Variants in IAH1 observed in about 807,000 individuals in gnomAD.
IAH1 encodes the protein isoamyl acetate hydrolyzing esterase 1 (putative), also known as isoamyl acetate-hydrolyzing esterase 1 homolog.
In IAH1, 24 loss-of-function variants were observed where a neutral mutation model predicts 26.7. The observed-to-expected ratio is 0.90, with a 90% CI of 0.65 to 1.26. IAH1 has a LOEUF of 1.26. IAH1 is among the 50% of genes most tolerant of loss of function. The pLI, the probability that IAH1 is intolerant of heterozygous loss-of-function variation, is 0.00. For missense variants in IAH1, 300 were observed against 299.9 expected (o/e 1.00, Z 0.00); for synonymous variants, 140 against 118.5 (o/e 1.18, Z -1.18).
chr2:9,499,409 G>A (rs1051473108), downstream of IAH1, among the ~76,000 whole-genome samples: 11 of 151,448 alleles, frequency 7.3e-5, no homozygotes, highest in Non-Finnish European at 1.3e-4. Context: ...TTGTTTTTTT[G>A]GTTTTTTTTT....
intron 3 of IAH1, among the ~76,000 whole-genome samples, chr2:9,479,946 T>C (rs1245429980): frequency 6.6e-6 from 1 of 151,568 alleles, no homozygotes; most frequent in African/African-American, 2.4e-5. Context: ...GTAGCTGGGA[T>C]TATAGGCGCT....
Position 9,488,451 on chromosome 2 carries a change from G to A in IAH1, c.*122G>A. 2.8e-6 allele frequency: 2 copies of A among 716,308 alleles called. No individual in the cohort carries two copies. Among genetic ancestry groups the A allele is most frequent in the South Asian group, 2.5e-5 (1 of 39,702 alleles). 44.4% of individuals were successfully genotyped at this position (716,308 alleles called of 1,614,324 possible). A position where few individuals can be genotyped will look rare whatever the true frequency, so the allele number is the denominator to read the frequency against. On this transcript the variant is annotated 3_prime_UTR_variant, in exon 6 of 6. Transcript: ENST00000497473. ...ACTGATATTAATAATAAAAGTATTAGATGATTTTTCAGGGAAGTTTTATAC... is the reference window on the plus strand; with the variant it reads ...ACTGATATTAATAATAAAAGTATTAAATGATTTTTCAGGGAAGTTTTATAC...
the IAH1 span, among the ~76,000 whole-genome samples, chr2:9,504,289 C>CA: frequency 6.6e-6 from 1 of 150,582 alleles, no homozygotes; most frequent in South Asian, 2.1e-4. Context: ...TACTAAAATA[C>CA]AAAAAATCAG....
downstream of IAH1, among the ~76,000 whole-genome samples, chr2:9,500,088 CATAG>C (rs71389253): frequency 0.52 from 78,201 of 151,570 alleles, 21,017 homozygotes; most frequent in Middle Eastern, 0.67. Context: ...CACAAAAACT[CATAG>C]ATAAATGTTC....
At chr2:9,492,149 G>A (rs754117327), downstream of IAH1, among the ~76,000 whole-genome samples, 4 of 152,146 alleles carry the variant, frequency 2.6e-5, no homozygotes, top group Non-Finnish European at 5.9e-5. Flanking sequence ...GAGTTGTGCT[G>A]GAATTTTTAA....
downstream of IAH1, among the ~76,000 whole-genome samples, chr2:9,497,592 A>G (rs1662707205): frequency 6.6e-6 from 1 of 152,180 alleles, no homozygotes; most frequent in South Asian, 2.1e-4. Flanking sequence ...AAAGAACTCC[A>G]CGGCCTTCCC....
chr2:9,501,101 A>C (rs2124988265), downstream of IAH1, among the ~76,000 whole-genome samples: 1 of 152,314 alleles, frequency 6.6e-6, no homozygotes, highest in South Asian at 2.1e-4. Flanking sequence ...AACTCCTCCA[A>C]ATTCACAGTA....
rs1169747304 is a variant in IAH1, at chr2:9,481,326, T to G, written c.324T>G (p.Ala108=). ...PKQHIPLEEY[A]ANLKSMVQYL... is the part of the protein sequence containing the mutation. ...AGCACATTCCCCTGGAGGAGTACGC[T>G]GCGAACCTAAAGAGCATGGTGCAGT... Residue 108 remains alanine (A), a synonymous_variant, in exon 4 of 6, where the codon GCT becomes GCG. Coordinates refer to ENST00000497473, the MANE Select transcript of IAH1 (RefSeq NM_001039613.3). The G allele has an allele frequency of 6.2e-7, 1 of 1,614,224 alleles. No homozygotes were observed. The highest frequency in any genetic ancestry group is 1.7e-5 in the Admixed American group (1 of 60,032).
chr2:9,503,229 C>T, the IAH1 span, among the ~76,000 whole-genome samples: 4 of 151,638 alleles, frequency 2.6e-5, no homozygotes, highest in Non-Finnish European at 5.9e-5. Flanking sequence ...CAGAACTCTA[C>T]TCCCCATCAG....
chr2:9,494,446 G>A (rs920948224), downstream of IAH1, among the ~76,000 whole-genome samples: 1 of 152,096 alleles, frequency 6.6e-6, no homozygotes, highest in African/African-American at 2.4e-5. Flanking sequence ...TCCCACCACA[G>A]AAGGAAACTA....
intron 4 of IAH1, among the ~76,000 whole-genome samples, chr2:9,483,274 G>T (rs1280491131): frequency 6.6e-6 from 1 of 152,126 alleles, no homozygotes; most frequent in Non-Finnish European, 1.5e-5. Context: ...AGATGGTCTT[G>T]CTGTGTCACC....
At chr2:9,507,016 G>C in the IAH1 span, 1 of 152,086 alleles carries the variant, frequency 6.6e-6, no homozygotes, top group Non-Finnish European at 1.5e-5. Flanking sequence ...AATCTCAAAG[G>C]TCCTACATTC....
intron 5 of IAH1, chr2:9,487,415 C>G (rs766903607): frequency 2.0e-5 from 3 of 152,096 alleles, no homozygotes; most frequent in Non-Finnish European, 4.4e-5. Context: ...CCTGAACACT[C>G]CTAATACCAA....
rs779803726 is a variant in IAH1, at chr2:9,488,348, A to C, written c.*19A>C. The stretch of plus-strand genomic sequence containing the variant: ...CCATTAGCCAATCACAGGAGACCCA[A>C]ATCTGCTTGTTATCTACAGAACTCA... On this transcript the variant is annotated 3_prime_UTR_variant, in exon 6 of 6. Transcript: ENST00000497473. 6.4e-7 allele frequency: 1 copy of C among 1,566,072 alleles called. No homozygotes were observed. Among genetic ancestry groups the C allele is most frequent in the Non-Finnish European group, 8.6e-7 (1 of 1,161,338 alleles).
chr2:9,496,891 C>G (rs1392831539), downstream of IAH1, among the ~76,000 whole-genome samples: 1 of 152,192 alleles, frequency 6.6e-6, no homozygotes, highest in Non-Finnish European at 1.5e-5. Context: ...TGGCCTGAAA[C>G]TGCAGCAAGA....
chr2:9,493,681 C>A, downstream of IAH1: 1 of 1,403,998 alleles, frequency 7.1e-7, no homozygotes, highest in Non-Finnish European at 1.0e-6. Flanking sequence ...TCTGAAAGCA[C>A]ACTTTTCTAA....
At chr2:9,494,710 T>C, downstream of IAH1, 2 of 1,614,128 alleles carry the variant, frequency 1.2e-6, no homozygotes, top group Non-Finnish European at 1.7e-6. Flanking sequence ...AGCATCGACA[T>C]AGGGCACACA....
intron 5 of IAH1, chr2:9,485,516 T>C (rs975688572): frequency 6.6e-6 from 1 of 152,380 alleles, no homozygotes; most frequent in Non-Finnish European, 1.5e-5. Flanking sequence ...TAGCTGGGCA[T>C]GGTGGAGCGC....
At chr2:9,491,958 T>C (rs959218857), downstream of IAH1, among the ~76,000 whole-genome samples, 2 of 152,214 alleles carry the variant, frequency 1.3e-5, no homozygotes, top group African/African-American at 4.8e-5. Context: ...CAGAGACATC[T>C]GTCAAAGCTT....
Sources: allele counts gnomAD v4.1 joint callset (sites outside exome capture counted in the v4.1 genomes callset), GRCh38; gene constraint gnomAD v4.1.1; transcripts MANE v1.5; gene names NCBI Gene and HGNC (gene_info 2026-07-23, HGNC 2026-07-21).